The following SCFD2 variants were observed in gnomAD, a reference collection of about 807,000 sequenced individuals.
SCFD2 encodes sec1 family domain-containing protein 2.
In SCFD2, 54 loss-of-function variants were observed where a neutral mutation model predicts 58.9. That is an observed-to-expected ratio of 0.92 (90% CI 0.74 to 1.15). The LOEUF (loss-of-function observed/expected upper bound fraction) is 1.15, where lower values mean the gene tolerates loss of function less well. Ranked by LOEUF, SCFD2 falls within the 50% of genes most tolerant of loss-of-function variation. The pLI is 0.00. For synonymous variants in SCFD2, 321 were observed against 335.9 expected (o/e 0.96, Z 0.49); for missense variants, 805 against 836.6 (o/e 0.96, Z 0.47).
Position 53,250,287 on chromosome 4 carries a change from C to T in SCFD2, c.1311+23539G>A, listed in dbSNP as rs538375957. Among the ~76,000 whole-genome samples, 15 of 152,196 alleles carry T rather than the reference C, an allele frequency of 9.9e-5. No individual in the cohort carries two copies. The East Asian group carries it at 2.9e-3, about 29-fold the overall frequency. ...ATATATGCACCCAATATAGGAGCAC[C>T]CAGATTCATAAAGCAAGTCCTTAGA... On this transcript the variant is annotated intron_variant, in intron 4 of 8. Transcript: ENST00000401642.
chr4:52,896,922 A>G (rs1229723716), intron 7 of SCFD2, among the ~76,000 whole-genome samples: 1 of 152,152 alleles, frequency 6.6e-6, no homozygotes, highest in Non-Finnish European at 1.5e-5. Context: ...CTTTGAAGCA[A>G]TTGTGAATGG....
chr4:53,048,656 G>A (rs1024729903), intron 5 of SCFD2, among the ~76,000 whole-genome samples: 2 of 152,170 alleles, frequency 1.3e-5, no homozygotes, highest in Non-Finnish European at 2.9e-5. Flanking sequence ...TGGACAGATC[G>A]CTCGAGCCTG....
intron 5 of SCFD2, chr4:52,951,108 G>A (rs992612913): frequency 6.6e-6 from 1 of 152,158 alleles, no homozygotes; most frequent in African/African-American, 2.4e-5. Context: ...TAATAGATGT[G>A]TTTAGTTTGG....
At chr4:53,276,101 T>TTTAAG (rs1391412490) in intron 3 of SCFD2, among the ~76,000 whole-genome samples, 1 of 152,040 alleles carries the variant, frequency 6.6e-6, no homozygotes, top group Non-Finnish European at 1.5e-5. Context: ...CTAGGACAGA[T>TTTAAG]GTTAAGTATA....
chr4:53,314,748 G>C (rs1732805695), intron 2 of SCFD2, among the ~76,000 whole-genome samples: 2 of 151,942 alleles, frequency 1.3e-5, no homozygotes, highest in African/African-American at 4.8e-5. Context: ...ATTTGAATTG[G>C]ATATTGAATA....
At chr4:53,073,220 A>C (rs1723874003) in intron 5 of SCFD2, among the ~76,000 whole-genome samples, 1 of 152,108 alleles carries the variant, frequency 6.6e-6, no homozygotes, top group Admixed American at 6.6e-5. Flanking sequence ...TGATTTAAAG[A>C]ATACAGGAGG....
At chr4:53,053,906 T>C (rs1000732263) in intron 5 of SCFD2, among the ~76,000 whole-genome samples, 4 of 152,224 alleles carry the variant, frequency 2.6e-5, no homozygotes, top group African/African-American at 7.2e-5. Context: ...ATTGGAATAT[T>C]TACCACCTTA....
In SCFD2 at chr4:53,156,828, C is replaced by T. The variant is rs148470655; in HGVS notation, c.1312-11246G>A. On this transcript the variant is annotated intron_variant, in intron 4 of 8. Transcript: ENST00000401642. ...ATGAAGCACTTCTGCTATATACTAA[C>T]GACGATGGTTATCCCTAGAAAAAGC... Among the ~76,000 whole-genome samples the T allele has an allele frequency of 3.1e-4, 47 of 152,362 alleles. No homozygotes were observed. The East Asian group carries it at 7.7e-3, about 25-fold the overall frequency.
At chr4:53,052,626 G>A (rs2148833148) in intron 5 of SCFD2, among the ~76,000 whole-genome samples, 1 of 152,314 alleles carries the variant, frequency 6.6e-6, no homozygotes, top group East Asian at 1.9e-4. Flanking sequence ...CAGTGGGGCA[G>A]TCTTCAACTT....
intron 5 of SCFD2, among the ~76,000 whole-genome samples, chr4:53,090,395 G>C (rs1162138940): frequency 6.6e-6 from 1 of 152,096 alleles, no homozygotes; most frequent in East Asian, 1.9e-4. Flanking sequence ...AACCAGGAGG[G>C]GACACCTCTT....
Position 53,160,255 on chromosome 4 carries a change from T to C in SCFD2, c.1312-14673A>G, listed in dbSNP as rs140050431. Among the ~76,000 whole-genome samples, 709 of 152,302 alleles carry C rather than the reference T, an allele frequency of 4.7e-3. 9 individuals are homozygous for C. Among genetic ancestry groups the C allele is most frequent in the Non-Finnish European group, 5.6e-3 (380 of 68,036 alleles). ...ACAGAGGTTCTGAGCACAGAACTGGTATGATCTTGTTTTAAAGGTTTTCTC... is the reference window on the plus strand; with the variant it reads ...ACAGAGGTTCTGAGCACAGAACTGGCATGATCTTGTTTTAAAGGTTTTCTC... On this transcript the variant is annotated intron_variant, in intron 4 of 8. Coordinates refer to ENST00000401642, the MANE Select transcript of SCFD2 (RefSeq NM_152540.4).
intron 5 of SCFD2, among the ~76,000 whole-genome samples, chr4:52,967,967 A>G (rs1437041722): frequency 6.6e-6 from 1 of 152,212 alleles, no homozygotes; most frequent in Non-Finnish European, 1.5e-5. Context: ...ATTTAATTCT[A>G]CAACTACAAG....
chr4:53,133,703 C>T lies in SCFD2; in HGVS notation c.1561+11630G>A, dbSNP rs141316442. Among the ~76,000 whole-genome samples, 1,197 of 152,260 alleles carry T rather than the reference C, an allele frequency of 7.9e-3. 10 individuals carry two copies. Among genetic ancestry groups the T allele is most frequent in the Middle Eastern group, 0.075 (22 of 294 alleles). On this transcript the variant is annotated intron_variant, in intron 5 of 8. Coordinates refer to ENST00000401642, the MANE Select transcript of SCFD2 (RefSeq NM_152540.4). ...ACATGGTTTCCTTTGGAAACTAGAG[C>T]TAAAGACATTAACATGAGCTGCCTT...
intron 4 of SCFD2, among the ~76,000 whole-genome samples, chr4:53,246,375 A>G (rs1730073004): frequency 6.6e-6 from 1 of 152,060 alleles, no homozygotes; most frequent in Non-Finnish European, 1.5e-5. Flanking sequence ...ACAACGAAAA[A>G]CCCGAATAGC....
At chr4:53,237,488 C>G (rs1341386187) in intron 4 of SCFD2, among the ~76,000 whole-genome samples, 34 of 9,844 alleles carry the variant, frequency 3.5e-3, no homozygotes, top group African/African-American at 0.012. Flanking sequence ...CCCCACCTCC[C>G]TCCCGGACGG....
chr4:53,295,013 C>G (rs981840828), intron 3 of SCFD2, among the ~76,000 whole-genome samples: 11 of 152,234 alleles, frequency 7.2e-5, no homozygotes, highest in African/African-American at 2.4e-4. Context: ...TGTTTTGGTA[C>G]CAGTACCGTG....
intron 4 of SCFD2, among the ~76,000 whole-genome samples, chr4:53,207,706 T>C (rs1286118266): frequency 1.2e-5 from 1 of 84,358 alleles, no homozygotes; most frequent in African/African-American, 4.3e-5. Flanking sequence ...AGATTTCCCC[T>C]TTGGTACTGT....
At chr4:53,147,585 C>T (rs1261009315) in intron 4 of SCFD2, among the ~76,000 whole-genome samples, 1 of 152,186 alleles carries the variant, frequency 6.6e-6, no homozygotes, top group Non-Finnish European at 1.5e-5. Flanking sequence ...ACACAATTTA[C>T]CAAGTGTAAA....
At chr4:52,921,486 T>C (rs1719734318) in intron 5 of SCFD2, among the ~76,000 whole-genome samples, 1 of 151,800 alleles carries the variant, frequency 6.6e-6, no homozygotes, top group South Asian at 2.1e-4. Context: ...AGAGGAGACA[T>C]GATCATGGAT....
Sources: allele counts gnomAD v4.1 joint callset (sites outside exome capture counted in the v4.1 genomes callset), GRCh38; gene constraint gnomAD v4.1.1; transcripts MANE v1.5; gene names NCBI Gene and HGNC (gene_info 2026-07-23, HGNC 2026-07-21).